Variants in PRELID2 observed in about 807,000 individuals in gnomAD.
PRELID2 encodes the protein PRELI domain-containing protein 2.
Under a neutral mutation model 28.4 loss-of-function variants are expected in PRELID2, and 25 were observed. That is an observed-to-expected ratio of 0.88 (90% confidence interval 0.64 to 1.23). The LOEUF is 1.23. Ranked by LOEUF, PRELID2 falls within the 50% of genes most tolerant of loss-of-function variation. The pLI is 0.00. For synonymous variants in PRELID2, 76 were observed against 71.6 expected, an observed-to-expected ratio of 1.06 and a Z score of -0.31; for missense variants, 201 against 214.4, an observed-to-expected ratio of 0.94 and a Z score of 0.39.
chr5:145,710,855 CT>C (rs1277648161), intron 1 of PRELID2, among the ~76,000 whole-genome samples: 2 of 152,212 alleles, frequency 1.3e-5, no homozygotes, highest in Admixed American at 6.5e-5. Flanking sequence ...TACACCAGAA[CT>C]TAAACACATT....
In PRELID2 at chr5:145,804,467, G is replaced by A. The variant is rs147737128; in HGVS notation, c.369-7920C>T. On this transcript the variant is annotated intron_variant, in intron 4 of 6. Transcript: ENST00000683046. The stretch of plus-strand genomic sequence containing the variant: ...GGAGGTTGTGGTGAGCCGAGATCAC[G>A]CCATTGCACTCCAGTCTGGGCAGCA... Among the ~76,000 whole-genome samples the A allele has an allele frequency of 6.8e-4, 103 of 152,168 alleles. No individual in the cohort carries two copies. The East Asian group carries it at 0.018, about 26-fold the overall frequency.
At chr5:145,792,229 T>A (rs778332930) in intron 5 of PRELID2, among the ~76,000 whole-genome samples, 3 of 152,100 alleles carry the variant, frequency 2.0e-5, no homozygotes, top group African/African-American at 7.2e-5. Flanking sequence ...TGGGTTCAAA[T>A]CCCCGGTTCA....
At chr5:145,241,058 G>T in the PRELID2 span, among the ~76,000 whole-genome samples, 1 of 151,910 alleles carries the variant, frequency 6.6e-6, no homozygotes, top group Non-Finnish European at 1.5e-5. Context: ...AATCTCTTAG[G>T]GTTGTTCTCA....
chr5:145,441,143 C>T, the PRELID2 span: 1 of 152,048 alleles, frequency 6.6e-6, no homozygotes, highest in Non-Finnish European at 1.5e-5. Context: ...GAACATGACG[C>T]CTAGTTGTTC....
At chr5:145,331,547 T>A in the PRELID2 span, among the ~76,000 whole-genome samples, 1 of 152,202 alleles carries the variant, frequency 6.6e-6, no homozygotes, top group Non-Finnish European at 1.5e-5. Context: ...TCTTTTTGGA[T>A]GTTTGTTGGT....
intron 1 of PRELID2, among the ~76,000 whole-genome samples, chr5:145,539,310 C>T (rs1159231706): frequency 2.0e-5 from 3 of 152,030 alleles, no homozygotes; most frequent in Non-Finnish European, 4.4e-5. Flanking sequence ...GTCACTTTCC[C>T]CAAATGTGTG....
chr5:145,723,307 A>G (rs1047363203), intron 1 of PRELID2, among the ~76,000 whole-genome samples: 1 of 152,194 alleles, frequency 6.6e-6, no homozygotes, highest in Non-Finnish European at 1.5e-5. Flanking sequence ...TATTTTATAC[A>G]AAAACACTAC....
At chr5:145,485,856 T>C (rs1402610301) in intron 1 of PRELID2, among the ~76,000 whole-genome samples, 3 of 152,228 alleles carry the variant, frequency 2.0e-5, no homozygotes, top group Non-Finnish European at 4.4e-5. Flanking sequence ...TTAGGAGTTA[T>C]GTATTAAATG....
At chr5:145,422,136 G>T in the PRELID2 span, among the ~76,000 whole-genome samples, 2 of 144,000 alleles carry the variant, frequency 1.4e-5, no homozygotes, top group African/African-American at 5.3e-5. Flanking sequence ...ATTTGCTGAG[G>T]AGAGCTTTAC....
intron 4 of PRELID2, among the ~76,000 whole-genome samples, chr5:145,810,830 C>T (rs543547963): frequency 6.6e-6 from 1 of 151,956 alleles, no homozygotes; most frequent in Non-Finnish European, 1.5e-5. Context: ...ATGAAGAAAC[C>T]GAGGAGTAGA....
chr5:145,421,711 G>T, the PRELID2 span, among the ~76,000 whole-genome samples: 1 of 144,514 alleles, frequency 6.9e-6, no homozygotes, highest in Non-Finnish European at 1.5e-5. Flanking sequence ...TTTTTTGAAG[G>T]GTTTTTTTGT....
chr5:145,363,116 G>GAAAAAAAAA, the PRELID2 span, among the ~76,000 whole-genome samples: 1 of 84,158 alleles, frequency 1.2e-5, no homozygotes, highest in African/African-American at 3.9e-5. Flanking sequence ...ATGGCTATAA[G>GAAAAAAAAA]AAAAAAAAAA....
At chr5:145,777,561 C>T (rs528743626) in intron 5 of PRELID2, among the ~76,000 whole-genome samples, 7 of 152,334 alleles carry the variant, frequency 4.6e-5, no homozygotes, top group African/African-American at 1.7e-4. Flanking sequence ...GCAGCAGCTG[C>T]TCCAAATGGC....
chr5:145,740,144 T>C (rs1326821934), intron 1 of PRELID2, among the ~76,000 whole-genome samples: 7 of 149,322 alleles, frequency 4.7e-5, no homozygotes, highest in African/African-American at 1.5e-4. Context: ...TTTAAGTATA[T>C]ATATCATACA....
chr5:145,549,322 G>T (rs2126679509), intron 1 of PRELID2, among the ~76,000 whole-genome samples: 1 of 152,236 alleles, frequency 6.6e-6, no homozygotes, highest in Non-Finnish European at 1.5e-5. Context: ...TGTGTTTCTT[G>T]AATAAATGAA....
chr5:145,394,750 G>A, the PRELID2 span, among the ~76,000 whole-genome samples: 1 of 152,114 alleles, frequency 6.6e-6, no homozygotes, highest in Non-Finnish European at 1.5e-5. Flanking sequence ...ATTTTATGGA[G>A]GAGTGGCAGA....
chr5:145,288,251 A>G, the PRELID2 span, among the ~76,000 whole-genome samples: 1 of 152,152 alleles, frequency 6.6e-6, no homozygotes, highest in Non-Finnish European at 1.5e-5. Flanking sequence ...TTCACCCCCA[A>G]TAGAGATTTA....
At chr5:145,659,536 G>A (rs932158353) in intron 1 of PRELID2, among the ~76,000 whole-genome samples, 6 of 152,200 alleles carry the variant, frequency 3.9e-5, no homozygotes, top group African/African-American at 1.4e-4. Flanking sequence ...AAAACTGTAG[G>A]CTGGTAGGAG....
the PRELID2 span, among the ~76,000 whole-genome samples, chr5:145,304,232 T>C: frequency 3.3e-5 from 5 of 152,186 alleles, no homozygotes; most frequent in Non-Finnish European, 7.4e-5. Flanking sequence ...CAAAATCTTA[T>C]AAATCAAATG....
Sources: gnomAD v4.1 joint callset for allele counts (sites outside exome capture counted in the v4.1 genomes callset) on GRCh38, gnomAD v4.1.1 for gene constraint, MANE v1.5 for transcripts, NCBI Gene and HGNC (gene_info 2026-07-23, HGNC 2026-07-21) for gene names.